The following PDXK variants were observed in gnomAD, a reference collection of about 807,000 sequenced individuals.
PDXK encodes the protein pyridoxal kinase.
Under a neutral mutation model 43.2 loss-of-function variants are expected in PDXK, and 15 were observed. The ratio of observed to expected loss-of-function variants is 0.35; its 90% CI spans 0.23 to 0.53. PDXK has a LOEUF of 0.53. Ranked by LOEUF, PDXK falls within the 20% of genes least tolerant of loss-of-function variation. The probability of loss-of-function intolerance (pLI) is 0.92; values close to 1 mark genes in which losing one functional copy is unlikely to be tolerated. For synonymous variants in PDXK, 172 were observed against 165.4 expected (o/e 1.04, Z -0.31); for missense variants, 343 against 417.0 (o/e 0.82, Z 1.54).
rs138176836 is a variant in PDXK at position 43,759,039 on chromosome 21, C to A, written c.*2976C>A. ...AACGGAGGCTGGCTTGGCTTAGCCA[C>A]GCTGATGAGTAAGTGAGGGATGTCT... On this transcript the variant is annotated 3_prime_UTR_variant, in exon 11 of 11. Transcript: ENST00000291565. The A allele has an allele frequency of 1.3e-5, 2 of 152,210 alleles. No homozygotes were observed. The highest frequency in any genetic ancestry group is 1.5e-5 in the Non-Finnish European group (1 of 68,046). The allele number at this position is 152,210 out of a possible 1,614,324, so 9.4% of individuals were successfully genotyped here. A position where few individuals can be genotyped will look rare whatever the true frequency, so the allele number is the denominator to read the frequency against.
chr21:43,739,037 C>T (rs953479459), intron 2 of PDXK, among the ~76,000 whole-genome samples: 2 of 151,882 alleles, frequency 1.3e-5, no homozygotes, highest in Non-Finnish European at 2.9e-5. Flanking sequence ...GGGTTCATGC[C>T]ATTCTCCTGC....
In PDXK at chr21:43,741,565, T is replaced by C. The variant is rs762116111; in HGVS notation, c.143-102T>C. On this transcript the variant is annotated intron_variant, in intron 2 of 10. Transcript: ENST00000291565. ...TGAGCCAGTCCATGGGGAGGAGCCG[T>C]CCACCAGGCAGCCTCAGGGAGAGTG... is the stretch of plus-strand genomic sequence containing the variant. 98 of 1,544,336 alleles carry C rather than the reference T, an allele frequency of 6.3e-5. No homozygotes were observed. The Middle Eastern group carries it at 1.1e-3, about 17-fold the overall frequency.
Position 43,755,768 on chromosome 21 carries a change from C to A in PDXK, c.826+4C>A, listed in dbSNP as rs568224218. 6.2e-7 allele frequency: 1 copy of A among 1,612,862 alleles called. No homozygotes were observed. The highest frequency in any genetic ancestry group is 1.1e-5 in the South Asian group (1 of 91,062). On this transcript the variant is annotated splice_donor_region_variant and intron_variant, in intron 10 of 10. Coordinates refer to ENST00000291565, the MANE Select transcript of PDXK (RefSeq NM_003681.5). Reference sequence around the variant, plus strand: ...AGGACCATCCAGTGTGCAAAAGGTACGGCGGCCGGGCTGCATGGGCTGCGT... The same window carrying A: ...AGGACCATCCAGTGTGCAAAAGGTAAGGCGGCCGGGCTGCATGGGCTGCGT...
In PDXK at chr21:43,759,032, T is replaced by C. The variant is rs1375736455; in HGVS notation, c.*2969T>C. 1 of 152,256 alleles carries C rather than the reference T, an allele frequency of 6.6e-6. No individual in the cohort carries two copies. The highest frequency in any genetic ancestry group is 1.5e-5 in the Non-Finnish European group (1 of 68,044). The allele number at this position is 152,256 out of a possible 1,614,324, so 9.4% of individuals were successfully genotyped here. A position where few individuals can be genotyped will look rare whatever the true frequency, so the allele number is the denominator to read the frequency against. On this transcript the variant is annotated 3_prime_UTR_variant, in exon 11 of 11. Transcript: ENST00000291565. Reference sequence around the variant, plus strand: ...TACCGTGAACGGAGGCTGGCTTGGCTTAGCCACGCTGATGAGTAAGTGAGG... The same window carrying C: ...TACCGTGAACGGAGGCTGGCTTGGCCTAGCCACGCTGATGAGTAAGTGAGG...
intron 1 of PDXK, chr21:43,728,625 A>C: frequency 1.4e-6 from 1 of 713,152 alleles, no homozygotes. Flanking sequence ...CGCTGTGAGC[A>C]GAGTGGGATG....
intron 1 of PDXK, among the ~76,000 whole-genome samples, chr21:43,720,228 C>T (rs2083195600): frequency 6.6e-6 from 1 of 152,156 alleles, no homozygotes; most frequent in Admixed American, 6.5e-5. Context: ...GTCGAGTCAG[C>T]AGGAGGGCTG....
intron 4 of PDXK, 146 bp from the exon 5 acceptor site, chr21:43,745,933 G>GT: frequency 1.4e-6 from 1 of 696,724 alleles, no homozygotes; most frequent in South Asian, 1.6e-5. Flanking sequence ...GAAGATCGAG[G>GT]TTGCAGTGAA....
chr21:43,751,719 G>A (rs528871753), intron 7 of PDXK, among the ~76,000 whole-genome samples: 3 of 152,150 alleles, frequency 2.0e-5, no homozygotes, highest in South Asian at 2.1e-4. Flanking sequence ...CAGGGGGCTC[G>A]AGGGGCCCAT....
rs754204260 is a variant in PDXK, at chr21:43,755,724, C to T, written c.786C>T (p.Thr262=). 1 of 1,614,098 alleles carries T rather than the reference C, an allele frequency of 6.2e-7. No individual in the cohort carries two copies. Among genetic ancestry groups the T allele is most frequent in the Non-Finnish European group, 8.5e-7 (1 of 1,179,950 alleles). ...LKVACEKTVS[T]LHHVLQRTIQ... Reference sequence around the variant, plus strand: ...TGGCCTGTGAGAAGACCGTGTCTACCTTGCACCACGTTCTGCAGAGGACCA... The same window carrying T: ...TGGCCTGTGAGAAGACCGTGTCTACTTTGCACCACGTTCTGCAGAGGACCA... Residue 262 remains threonine, a synonymous_variant, in exon 10 of 11, where the codon ACC becomes ACT. Coordinates refer to ENST00000291565, the MANE Select transcript of PDXK (RefSeq NM_003681.5).
At position 43,743,712 on chromosome 21, in the gene PDXK, C is replaced by T; in HGVS notation, c.248-12C>T. 1 of 1,590,018 alleles carries T rather than the reference C, an allele frequency of 6.3e-7. No homozygotes were observed. The highest frequency in any genetic ancestry group is 8.6e-7 in the Non-Finnish European group (1 of 1,158,184). On this transcript the variant is annotated splice_polypyrimidine_tract_variant and intron_variant, in intron 3 of 10. Coordinates refer to ENST00000291565, the MANE Select transcript of PDXK (RefSeq NM_003681.5). ...CTGTTTTCTGAGGGTGACCTGGATT[C>T]TCCCCCTAAAGGTTATACGAGGGAC... is the stretch of plus-strand genomic sequence containing the variant.
At position 43,755,769 on chromosome 21, in the gene PDXK, G is replaced by C; in HGVS notation, c.826+5G>C. On this transcript the variant is annotated splice_donor_5th_base_variant and intron_variant, in intron 10 of 10. Coordinates refer to ENST00000291565, the MANE Select transcript of PDXK (RefSeq NM_003681.5). ...GGACCATCCAGTGTGCAAAAGGTAC[G>C]GCGGCCGGGCTGCATGGGCTGCGTG... 1 of 1,613,200 alleles carries C rather than the reference G, an allele frequency of 6.2e-7. No individual in the cohort carries two copies. Among genetic ancestry groups the C allele is most frequent in the African/African-American group, 1.3e-5 (1 of 75,050 alleles).
chr21:43,719,375 G>C lies in PDXK; in HGVS notation c.81G>C (p.Pro27=), dbSNP rs771333909. ...GYVGNRAATF[P]LQVLGFEIDA... ...TGGGCAACCGGGCGGCCACGTTCCC[G>C]CTGCAGGTACGCATCCGCCCGCAGC... Residue 27 remains proline (P), a synonymous_variant, in exon 1 of 11, where the codon CCG becomes CCC. Transcript: ENST00000291565. 1.3e-6 allele frequency: 2 copies of C among 1,522,888 alleles called. No homozygotes were observed. Among genetic ancestry groups the C allele is most frequent in the South Asian group, 2.4e-5 (2 of 81,746 alleles). The allele number at this position is 1,522,888 out of a possible 1,614,324, so 94.3% of individuals were successfully genotyped here.
chr21:43,737,729 G>A lies in PDXK; in HGVS notation c.142+3606G>A, dbSNP rs976823723. 7.1e-6 allele frequency: 7 copies of A among 984,376 alleles called. No homozygotes were observed. The highest frequency in any genetic ancestry group is 1.1e-4 in the East Asian group (1 of 8,830). The allele number at this position is 984,376 out of a possible 1,614,324, so 61.0% of individuals were successfully genotyped here. ...CAGGCCGGGCCAGGAGCCTGCCGAC[G>A]GACACCAGCGAGGGGCCAGGCCGGG... On this transcript the variant is annotated intron_variant, in intron 2 of 10. Coordinates refer to ENST00000291565, the MANE Select transcript of PDXK (RefSeq NM_003681.5). This position sits in a 1 kb window ranked among gnomAD's most constrained non-coding sequence, Gnocchi z 4.8.
chr21:43,719,309 C>T lies in PDXK; in HGVS notation c.15C>T (p.Cys5=), dbSNP rs1335683893. 11 of 1,494,314 alleles carry T rather than the reference C, an allele frequency of 7.4e-6. No homozygotes were observed. The highest frequency in any genetic ancestry group is 4.5e-5 in the Admixed American group (2 of 44,782). 92.6% of individuals were successfully genotyped at this position (1,494,314 alleles called of 1,614,324 possible). A position where few individuals can be genotyped will look rare whatever the true frequency, so the allele number is the denominator to read the frequency against. Residue 5 remains cysteine, a synonymous_variant, in exon 1 of 11, where the codon TGC becomes TGT. Coordinates refer to ENST00000291565, the MANE Select transcript of PDXK (RefSeq NM_003681.5). Reference sequence around the variant, plus strand: ...CCAGGCCCGGCATGGAGGAGGAGTGCCGGGTGCTCTCCATACAGAGCCACG... The same window carrying T: ...CCAGGCCCGGCATGGAGGAGGAGTGTCGGGTGCTCTCCATACAGAGCCACG... The part of the protein sequence containing the change: MEEE[C]RVLSIQSHVI...
Position 43,737,772 on chromosome 21 carries a change from C to A in PDXK, c.142+3649C>A, listed in dbSNP as rs904794910. 5 of 985,322 alleles carry A rather than the reference C, an allele frequency of 5.1e-6. No homozygotes were observed. In the African/African-American group the frequency reaches 8.7e-5, roughly 17 times the overall value. The allele number at this position is 985,322 out of a possible 1,614,324, so 61.0% of individuals were successfully genotyped here. A position where few individuals can be genotyped will look rare whatever the true frequency, so the allele number is the denominator to read the frequency against. On this transcript the variant is annotated intron_variant, in intron 2 of 10. Transcript: ENST00000291565. This position sits in a 1 kb window ranked among gnomAD's most constrained non-coding sequence, Gnocchi z 4.8. ...AGGCCGGGCCAGACTCCCTGGCCGG[C>A]TGGGATCTGACAGGAGTGCCAGGCT...
In PDXK at chr21:43,758,525, G is replaced by C. The variant is rs960254585; in HGVS notation, c.*2462G>C. 2 of 153,600 alleles carry C rather than the reference G, an allele frequency of 1.3e-5. No homozygotes were observed. The highest frequency in any genetic ancestry group is 2.9e-5 in the Non-Finnish European group (2 of 68,048). 9.5% of individuals were successfully genotyped at this position (153,600 alleles called of 1,614,324 possible). On this transcript the variant is annotated 3_prime_UTR_variant, in exon 11 of 11. Transcript: ENST00000291565. ...AGCAGCTGGAGCCTGCCCTGTCCAC[G>C]GCCCGTTTCCACCCGGGCATGTTCG...
At chr21:43,744,378 C>G (rs2083600616) in intron 4 of PDXK, 2 of 162,000 alleles carry the variant, frequency 1.2e-5, no homozygotes, top group Admixed American at 5.8e-5. Context: ...ACCTTGCAGA[C>G]AGGCTCTCTC....
chr21:43,737,308 C>T lies in PDXK; in HGVS notation c.142+3185C>T, dbSNP rs984317548. Reference sequence around the variant, plus strand: ...GCCTCGCCGCCTCGAGGCTGCTGCTCGCACTTCTGCCCCTTCCCCCGGCCA... The same window carrying T: ...GCCTCGCCGCCTCGAGGCTGCTGCTTGCACTTCTGCCCCTTCCCCCGGCCA... On this transcript the variant is annotated intron_variant, in intron 2 of 10. Transcript: ENST00000291565. The surrounding 1 kb of genome is among the most constrained non-coding windows in gnomAD (Gnocchi z 4.8). 8 of 1,385,760 alleles carry T rather than the reference C, an allele frequency of 5.8e-6. No individual in the cohort carries two copies. The highest frequency in any genetic ancestry group is 4.7e-5 in the South Asian group (3 of 63,890). 85.8% of individuals were successfully genotyped at this position (1,385,760 alleles called of 1,614,324 possible). A position where few individuals can be genotyped will look rare whatever the true frequency, so the allele number is the denominator to read the frequency against.
intron 1 of PDXK, among the ~76,000 whole-genome samples, chr21:43,725,313 A>G (rs1333974828): frequency 1.3e-5 from 2 of 151,878 alleles, no homozygotes; most frequent in East Asian, 3.9e-4. Context: ...ACAGAGCAAG[A>G]CTCTCGTCTC....
Sources: allele counts gnomAD v4.1 joint callset (sites outside exome capture counted in the v4.1 genomes callset), GRCh38; gene constraint gnomAD v4.1.1; non-coding constraint Gnocchi (gnomAD v3.1); transcripts MANE v1.5; gene names NCBI Gene and HGNC (gene_info 2026-07-23, HGNC 2026-07-21).